The following NDST4 variants were observed in gnomAD, a reference collection of about 807,000 sequenced individuals.
The protein encoded by NDST4 is N-heparan sulfate sulfotransferase 4.
A neutral mutation model predicts 100.8 loss-of-function variants in NDST4; 63 were observed. The observed-to-expected ratio is 0.62, with a 90% CI of 0.51 to 0.77. The LOEUF is 0.77. NDST4 is among the 30% of genes least tolerant of loss of function. The probability of loss-of-function intolerance (pLI) is 0.00; values close to 1 mark genes in which losing one functional copy is unlikely to be tolerated. For synonymous variants in NDST4, 377 were observed against 361.8 expected (o/e 1.04, Z -0.48); for missense variants, 943 against 1,018.4 (o/e 0.93, Z 1.01).
intron 2 of NDST4, among the ~76,000 whole-genome samples, chr4:114,985,230 C>A (rs1411379659): frequency 6.6e-6 from 1 of 152,146 alleles, no homozygotes; most frequent in Non-Finnish European, 1.5e-5. Context: ...CATTTCAGAG[C>A]AATTTTTCCT....
intron 2 of NDST4, among the ~76,000 whole-genome samples, 167 bp from the exon 3 acceptor site, chr4:114,977,441 A>G (rs1204450688): frequency 6.6e-6 from 1 of 151,904 alleles, no homozygotes; most frequent in African/African-American, 2.4e-5. Flanking sequence ...TAATTATTAT[A>G]GTCATTATTT....
intron 6 of NDST4, among the ~76,000 whole-genome samples, chr4:114,871,774 T>C (rs1020287559): frequency 6.6e-6 from 1 of 152,062 alleles, no homozygotes; most frequent in Non-Finnish European, 1.5e-5. Flanking sequence ...TTTGTACTTG[T>C]TTCTCAATTT....
At chr4:115,004,921 C>T (rs762068355) in intron 2 of NDST4, among the ~76,000 whole-genome samples, 1 of 152,132 alleles carries the variant, frequency 6.6e-6, no homozygotes, top group Non-Finnish European at 1.5e-5. Flanking sequence ...GCTGTATTTA[C>T]AGGATTGACT....
At chr4:115,093,245 G>T (rs529749798) in intron 1 of NDST4, among the ~76,000 whole-genome samples, 1 of 152,154 alleles carries the variant, frequency 6.6e-6, no homozygotes, top group Non-Finnish European at 1.5e-5. Context: ...GGAGGCCAAG[G>T]TGGGCAGATC....
rs74678897 is a variant in NDST4 at position 115,013,370 on chromosome 4, T to TATATATATATATATATATATATATATAC, written c.979-36097_979-36096insGTATATATATATATATATATATATATAT. Among the ~76,000 whole-genome samples the TATATATATATATATATATATATATATAC allele has an allele frequency of 1.3e-3, 95 of 71,384 alleles. 4 individuals are homozygous for TATATATATATATATATATATATATATAC. Among genetic ancestry groups the TATATATATATATATATATATATATATAC allele is most frequent in the South Asian group, 2.5e-3 (5 of 2,032 alleles). The allele number at this position is 71,384 out of a possible 152,430, so 46.8% of individuals were successfully genotyped here. A position where few individuals can be genotyped will look rare whatever the true frequency, so the allele number is the denominator to read the frequency against. On this transcript the variant is annotated intron_variant, in intron 2 of 13. Transcript: ENST00000264363. ...CCATATATATATATATATATATATA[T>TATATATATATATATATATATATATATAC]ACACACACATACATACCTAATATGT...
chr4:114,900,593 C>T (rs187979080), intron 6 of NDST4, among the ~76,000 whole-genome samples: 25 of 152,236 alleles, frequency 1.6e-4, no homozygotes, highest in African/African-American at 5.5e-4. Context: ...GTATTCAGCT[C>T]AGCAATATGC....
intron 6 of NDST4, among the ~76,000 whole-genome samples, chr4:114,879,337 A>G (rs897488842): frequency 6.6e-6 from 1 of 152,160 alleles, no homozygotes. Flanking sequence ...CAATATAGGA[A>G]GAGATTGTTA....
At chr4:115,016,686 G>A (rs1056223883) in intron 2 of NDST4, among the ~76,000 whole-genome samples, 6 of 152,034 alleles carry the variant, frequency 3.9e-5, no homozygotes, top group South Asian at 4.1e-4. Flanking sequence ...TAATATGTAT[G>A]CAATACAGGA....
intron 2 of NDST4, among the ~76,000 whole-genome samples, chr4:115,015,744 G>A (rs1317397132): frequency 6.6e-6 from 1 of 152,024 alleles, no homozygotes; most frequent in African/African-American, 2.4e-5. Flanking sequence ...ATGGGCTCAT[G>A]AACAAAGTGG....
At chr4:114,917,792 T>C (rs1016645433) in intron 6 of NDST4, among the ~76,000 whole-genome samples, 5 of 152,180 alleles carry the variant, frequency 3.3e-5, no homozygotes, top group African/African-American at 1.2e-4. Context: ...ATTAATTAGT[T>C]AACTTCTCTG....
intron 10 of NDST4, 35 bp from the exon 11 acceptor site, chr4:114,839,583 T>C (rs756081202): frequency 4.2e-5 from 68 of 1,605,798 alleles, no homozygotes; most frequent in Non-Finnish European, 5.8e-5. Flanking sequence ...AGTTAGATTT[T>C]TTTTAATGCC....
At chr4:114,932,639 T>C (rs1462773529) in intron 6 of NDST4, among the ~76,000 whole-genome samples, 3 of 151,956 alleles carry the variant, frequency 2.0e-5, no homozygotes, top group Non-Finnish European at 4.4e-5. Context: ...ATAAATTCAG[T>C]AAAGTTGAAG....
chr4:115,084,862 TGTG>T (rs1376933100), intron 1 of NDST4, among the ~76,000 whole-genome samples: 1 of 97,128 alleles, frequency 1.0e-5, no homozygotes, highest in African/African-American at 5.6e-5. Context: ...GGAAGGGAAA[TGTG>T]GGGTTGTAGC....
intron 2 of NDST4, among the ~76,000 whole-genome samples, chr4:115,075,517 T>C (rs10857036): frequency 0.44 from 67,181 of 152,028 alleles, 15,936 homozygotes; most frequent in Non-Finnish European, 0.55. Context: ...CCGGGTGCAG[T>C]GGCTCACGCC....
At chr4:114,916,075 G>A (rs181556581) in intron 6 of NDST4, among the ~76,000 whole-genome samples, 27 of 152,244 alleles carry the variant, frequency 1.8e-4, no homozygotes, top group South Asian at 4.1e-4. Context: ...TCATTTGTGA[G>A]TAATGGACTA....
intron 6 of NDST4, among the ~76,000 whole-genome samples, chr4:114,912,279 T>C (rs1725077663): frequency 2.0e-5 from 3 of 152,156 alleles, no homozygotes; most frequent in Admixed American, 6.5e-5. Flanking sequence ...AAGCATCTAC[T>C]ATGGGCATGG....
chr4:114,909,669 C>CAAAAAAAA lies in NDST4; in HGVS notation c.1536+25529_1536+25536dup, dbSNP rs773267929. ...TGGGCGACAGAGCGAGACTCCGTCT[C>CAAAAAAAA]AAAAAAAAAAAAAAAAAAAAGAAAG... On this transcript the variant is annotated intron_variant, in intron 6 of 13. Coordinates refer to ENST00000264363, the MANE Select transcript of NDST4 (RefSeq NM_022569.3). Among the ~76,000 whole-genome samples the CAAAAAAAA allele has an allele frequency of 2.1e-3, 129 of 61,602 alleles. 6 individuals are homozygous for CAAAAAAAA. Among genetic ancestry groups the CAAAAAAAA allele is most frequent in the African/African-American group, 7.4e-3 (109 of 14,800 alleles). 40.4% of individuals were successfully genotyped at this position (61,602 alleles called of 152,430 possible).
chr4:114,956,709 T>C (rs1236997139), intron 4 of NDST4, among the ~76,000 whole-genome samples: 1 of 152,122 alleles, frequency 6.6e-6, no homozygotes. Context: ...CAAGAGTGAC[T>C]ATGTTCCCTA....
At chr4:114,963,411 A>AT (rs201383979) in intron 4 of NDST4, among the ~76,000 whole-genome samples, 1,748 of 152,102 alleles carry the variant, frequency 0.011, 36 homozygotes, top group African/African-American at 0.04. Flanking sequence ...TAAATTAGTT[A>AT]TTTGCTTAGG....
Sources: allele counts gnomAD v4.1 joint callset (sites outside exome capture counted in the v4.1 genomes callset), GRCh38; gene constraint gnomAD v4.1.1; transcripts MANE v1.5; gene names NCBI Gene and HGNC (gene_info 2026-07-23, HGNC 2026-07-21).